Variants in EDARADD observed in about 807,000 individuals in gnomAD.
EDARADD encodes the protein EDAR associated via death domain.
In EDARADD, 20 loss-of-function variants were observed where a neutral mutation model predicts 25.6. The ratio of observed to expected loss-of-function variants is 0.78; its 90% CI spans 0.55 to 1.14. The LOEUF (loss-of-function observed/expected upper bound fraction) is 1.14. Ranked by LOEUF, EDARADD falls within the 50% of genes most tolerant of loss-of-function variation. The pLI, the probability that EDARADD is intolerant of heterozygous loss-of-function variation, is 0.00. For synonymous variants in EDARADD, 86 were observed against 94.4 expected, an observed-to-expected ratio of 0.91 and a Z score of 0.52; for missense variants, 225 against 270.1, an observed-to-expected ratio of 0.83 and a Z score of 1.17.
upstream of EDARADD, among the ~76,000 whole-genome samples, chr1:236,393,738 A>G (rs766539410): frequency 6.6e-6 from 1 of 152,180 alleles, no homozygotes; most frequent in Non-Finnish European, 1.5e-5. Flanking sequence ...ACACTCTTGG[A>G]CAGCAAAAGA....
chr1:236,480,310 G>C (rs1392617572), intron 5 of EDARADD, among the ~76,000 whole-genome samples: 1 of 151,318 alleles, frequency 6.6e-6, no homozygotes, highest in East Asian at 1.9e-4. Context: ...TATTTCACTA[G>C]TCCTCTAACT....
At chr1:236,458,057 C>T (rs1027171888) in intron 4 of EDARADD, among the ~76,000 whole-genome samples, 3 of 152,156 alleles carry the variant, frequency 2.0e-5, no homozygotes, top group Admixed American at 6.6e-5. Context: ...CTGAGACATT[C>T]GGATGGTGTG....
chr1:236,455,194 AGCAAG>A (rs1363997512), intron 4 of EDARADD, among the ~76,000 whole-genome samples: 1 of 144,784 alleles, frequency 6.9e-6, no homozygotes, highest in African/African-American at 2.6e-5. Context: ...TGGGTGACAG[AGCAAG>A]GCTCTGTCTT....
intron 3 of EDARADD, among the ~76,000 whole-genome samples, chr1:236,426,526 A>G (rs685793): frequency 0.48 from 72,909 of 152,140 alleles, 18,816 homozygotes; most frequent in Non-Finnish European, 0.59. Flanking sequence ...TCAAAAGGGT[A>G]GGCTGCCTTC....
intron 4 of EDARADD, among the ~76,000 whole-genome samples, chr1:236,447,230 TTTC>T (rs1658583160): frequency 2.4e-5 from 3 of 126,466 alleles, no homozygotes; most frequent in African/African-American, 1.1e-4. Flanking sequence ...CTTTCCTTTC[TTTC>T]CTTTCTTTCC....
At chr1:236,351,036 G>A (rs1666909852) in intron 3 of EDARADD, among the ~76,000 whole-genome samples, 1 of 152,138 alleles carries the variant, frequency 6.6e-6, no homozygotes, top group African/African-American at 2.4e-5. Flanking sequence ...GTACTTGGGA[G>A]GCGGAGGCAG....
Position 236,484,074 on chromosome 1 carries a change from T to A in EDARADD, c.*1425T>A. The A allele has an allele frequency of 1.3e-6, 2 of 1,578,420 alleles. No homozygotes were observed. The highest frequency in any genetic ancestry group is 2.2e-5 in the South Asian group (2 of 90,374). On this transcript the variant is annotated 3_prime_UTR_variant, in exon 6 of 6. Transcript: ENST00000334232. This position sits in a 1 kb window ranked among gnomAD's most constrained non-coding sequence, Gnocchi z 4.1. ...CTTTGACCAGGATGACTGGGGAGCT[T>A]GGCAGAAGTTCACGGCCAGTGCAGG...
intron 3 of EDARADD, among the ~76,000 whole-genome samples, chr1:236,363,143 C>T (rs1252628516): frequency 2.0e-5 from 3 of 147,702 alleles, no homozygotes; most frequent in Non-Finnish European, 3.0e-5. Flanking sequence ...GCTGGGATTA[C>T]AGGCATGAAC....
intron 2 of EDARADD, among the ~76,000 whole-genome samples, chr1:236,350,225 C>T (rs1329288967): frequency 1.3e-5 from 2 of 152,140 alleles, no homozygotes; most frequent in Non-Finnish European, 2.9e-5. Context: ...CAGAGAAACA[C>T]GTTTTGGGGT....
At chr1:236,425,265 G>A (rs1226879886) in intron 3 of EDARADD, among the ~76,000 whole-genome samples, 3 of 152,202 alleles carry the variant, frequency 2.0e-5, no homozygotes, top group Non-Finnish European at 2.9e-5. Flanking sequence ...GCTTTTTCCC[G>A]TTTTCTTTCT....
At chr1:236,456,071 G>A (rs1037732920) in intron 4 of EDARADD, among the ~76,000 whole-genome samples, 2 of 152,138 alleles carry the variant, frequency 1.3e-5, no homozygotes, top group African/African-American at 4.8e-5. Context: ...TTATAGGCGT[G>A]AGCCACCGCG....
At chr1:236,385,561 T>TA (rs1667343619) in intron 3 of EDARADD, among the ~76,000 whole-genome samples, 1 of 151,248 alleles carries the variant, frequency 6.6e-6, no homozygotes, top group Admixed American at 6.6e-5. Context: ...CCGTCTCTAC[T>TA]AAAAATACAA....
intron 3 of EDARADD, among the ~76,000 whole-genome samples, chr1:236,357,095 T>TA (rs1052975084): frequency 5.5e-5 from 8 of 144,228 alleles, no homozygotes; most frequent in South Asian, 2.2e-4. Context: ...AAATAAAAAA[T>TA]AAAAAAAAAA....
chr1:236,384,045 C>T (rs959494249), intron 3 of EDARADD, among the ~76,000 whole-genome samples: 4 of 152,040 alleles, frequency 2.6e-5, no homozygotes, highest in African/African-American at 4.8e-5. Context: ...GAGTTTATAT[C>T]GTGTAACTTC....
chr1:236,420,244 TAATC>T (rs1164254617), intron 3 of EDARADD, among the ~76,000 whole-genome samples: 1 of 152,198 alleles, frequency 6.6e-6, no homozygotes, highest in African/African-American at 2.4e-5. Flanking sequence ...TCAAATGGCT[TAATC>T]AATCAATCCC....
At chr1:236,467,639 A>G (rs1332760710) in intron 4 of EDARADD, among the ~76,000 whole-genome samples, 3 of 152,164 alleles carry the variant, frequency 2.0e-5, no homozygotes, top group African/African-American at 7.2e-5. Context: ...TAGAAAAGGG[A>G]AAGAATTGTA....
At chr1:236,384,731 A>G (rs1234225359) in intron 3 of EDARADD, among the ~76,000 whole-genome samples, 1 of 152,032 alleles carries the variant, frequency 6.6e-6, no homozygotes, top group Non-Finnish European at 1.5e-5. Context: ...GTGTCTCACT[A>G]TGCTGCCAAG....
rs111251700 is a variant in EDARADD at position 236,376,123 on chromosome 1, C to T, written c.-6+25284C>T. Among the ~76,000 whole-genome samples, 388 of 151,860 alleles carry T rather than the reference C, an allele frequency of 2.6e-3. 1 individual carries two copies. The highest frequency in any genetic ancestry group is 9.0e-3 in the African/African-American group (372 of 41,448). On this transcript the variant is annotated intron_variant, in intron 3 of 7. Transcript: ENST00000439430. ...CTAATTTTTGTATTTTTAGTAGAGACGGGGTTTCACCATGTTGGTCAGTCT... is the reference window on the plus strand; with the variant it reads ...CTAATTTTTGTATTTTTAGTAGAGATGGGGTTTCACCATGTTGGTCAGTCT...
upstream of EDARADD, among the ~76,000 whole-genome samples, chr1:236,392,194 G>A (rs1667433948): frequency 6.6e-6 from 1 of 152,132 alleles, no homozygotes; most frequent in Admixed American, 6.6e-5. Flanking sequence ...TACAAACACT[G>A]TAATAAATAT....
Sources: gnomAD v4.1 joint callset for allele counts (sites outside exome capture counted in the v4.1 genomes callset) on GRCh38, gnomAD v4.1.1 for gene constraint, Gnocchi (gnomAD v3.1) non-coding constraint, MANE v1.5 for transcripts, NCBI Gene and HGNC (gene_info 2026-07-23, HGNC 2026-07-21) for gene names.